ZC3H7A: variants seen among roughly 807,000 people sequenced by gnomAD.
ZC3H7A encodes zinc finger CCCH domain-containing protein 7A.
A neutral mutation model predicts 125.5 loss-of-function variants in ZC3H7A; 44 were observed. The ratio of observed to expected loss-of-function variants is 0.35; its 90% CI spans 0.28 to 0.45. The LOEUF (loss-of-function observed/expected upper bound fraction) is 0.45, where lower values mean the gene tolerates loss of function less well. Ranked by LOEUF, ZC3H7A falls within the 20% of genes least tolerant of loss-of-function variation. ZC3H7A has a pLI of 1.00. For missense variants in ZC3H7A, 977 were observed against 1,170.7 expected, an observed-to-expected ratio of 0.83 and a Z score of 2.41; for synonymous variants, 399 against 391.2, an observed-to-expected ratio of 1.02 and a Z score of -0.23.
chr16:11,759,281 G>A (rs962391028), intron 19 of ZC3H7A: 4 of 152,174 alleles, frequency 2.6e-5, no homozygotes, highest in Non-Finnish European at 5.9e-5. Flanking sequence ...TCTGTATGAG[G>A]TATAAATCCT....
At chr16:11,787,924 G>C (rs1309915600) in intron 1 of ZC3H7A, among the ~76,000 whole-genome samples, 20 of 151,614 alleles carry the variant, frequency 1.3e-4, no homozygotes, top group Non-Finnish European at 2.4e-4. Context: ...CCAGCCTGGG[G>C]GACAAGAGCA....
rs545213728 is a variant in ZC3H7A, at chr16:11,778,235, G to A, written c.306+931C>T. Reference sequence around the variant, plus strand: ...GCAGATTGCCTGAATTCAGGAGATCGAGAACAGCCTGGGCAACACAGTGAA... The same window carrying A: ...GCAGATTGCCTGAATTCAGGAGATCAAGAACAGCCTGGGCAACACAGTGAA... On this transcript the variant is annotated intron_variant, in intron 4 of 22. Transcript: ENST00000355758. Among the ~76,000 whole-genome samples, 10 of 151,664 alleles carry A rather than the reference G, an allele frequency of 6.6e-5. No homozygotes were observed. The East Asian group carries it at 1.4e-3, about 21-fold the overall frequency.
intron 21 of ZC3H7A, among the ~76,000 whole-genome samples, chr16:11,755,244 C>A (rs1485876386): frequency 6.6e-6 from 1 of 151,572 alleles, no homozygotes; most frequent in Non-Finnish European, 1.5e-5. Context: ...AATGTGTCAT[C>A]CTTAGGTAAA....
chr16:11,774,680 G>A (rs1343240970), intron 8 of ZC3H7A, among the ~76,000 whole-genome samples, 161 bp from the exon 9 acceptor site: 11 of 152,080 alleles, frequency 7.2e-5, no homozygotes, highest in South Asian at 2.1e-4. Context: ...ATACAGTCAC[G>A]TGTGAAAACT....
intron 1 of ZC3H7A, among the ~76,000 whole-genome samples, chr16:11,793,532 CA>C (rs111511279): frequency 6.8e-6 from 1 of 147,674 alleles, no homozygotes; most frequent in South Asian, 2.1e-4. Flanking sequence ...GATCCTGTCT[CA>C]AAAAAAAGGG....
intron 1 of ZC3H7A, among the ~76,000 whole-genome samples, chr16:11,793,478 A>T (rs1036957621): frequency 3.3e-5 from 5 of 151,906 alleles, no homozygotes; most frequent in African/African-American, 1.2e-4. Context: ...GGTCACAGCA[A>T]ACTATGACTA....
rs1038215484 is a variant in ZC3H7A, at chr16:11,781,452, T to C, written c.81A>G (p.Ser27=). ...CATATTGCTCCTGTGTTCCTGGATA[T>C]GACAGCGGTGACCTAAGAAGAAGAA... is the stretch of plus-strand genomic sequence containing the variant. ...EGLQFIQSPL[S]YPGTQEQYAV... is the part of the protein sequence containing the mutation. The change falls in exon 3 of 23, where the codon TCA becomes TCG. Residue 27 remains serine, a synonymous_variant. Coordinates refer to ENST00000355758, the MANE Select transcript of ZC3H7A (RefSeq NM_014153.4). 1 of 1,606,664 alleles carries C rather than the reference T, an allele frequency of 6.2e-7. No individual in the cohort carries two copies. Among genetic ancestry groups the C allele is most frequent in the South Asian group, 1.1e-5 (1 of 90,168 alleles).
chr16:11,779,413 G>T (rs2053137144), intron 3 of ZC3H7A, 50 bp from the exon 4 acceptor site: 1 of 1,529,200 alleles, frequency 6.5e-7, no homozygotes, highest in Non-Finnish European at 8.9e-7. Flanking sequence ...ACAAGATATG[G>T]TATAAGTAAA....
intron 3 of ZC3H7A, among the ~76,000 whole-genome samples, chr16:11,780,074 C>T (rs1426702104): frequency 2.0e-5 from 3 of 150,518 alleles, no homozygotes; most frequent in Non-Finnish European, 4.4e-5. Context: ...AAAAGTTTGT[C>T]ATTTTCCTTC....
chr16:11,781,590 C>A, intron 2 of ZC3H7A, 126 bp from the exon 3 acceptor site: 1 of 819,206 alleles, frequency 1.2e-6, no homozygotes, highest in Non-Finnish European at 2.0e-6. Flanking sequence ...TCAAAGACTT[C>A]CTCCTCCTTT....
chr16:11,763,376 T>C (rs1415819758), intron 16 of ZC3H7A, 102 bp downstream of exon 16: 2 of 1,210,088 alleles, frequency 1.7e-6, no homozygotes, highest in African/African-American at 3.1e-5. Context: ...CCCAAAGTAG[T>C]GGGATTACAG....
chr16:11,773,462 T>C (rs915388205), intron 9 of ZC3H7A, among the ~76,000 whole-genome samples: 1 of 151,944 alleles, frequency 6.6e-6, no homozygotes, highest in Non-Finnish European at 1.5e-5. Flanking sequence ...CATTTAAGAA[T>C]TGTAAAAAAT....
intron 1 of ZC3H7A, among the ~76,000 whole-genome samples, chr16:11,790,540 CGTT>C (rs1237472555): frequency 1.3e-5 from 2 of 152,020 alleles, no homozygotes; most frequent in African/African-American, 2.4e-5. Flanking sequence ...TTGTCGTCGT[CGTT>C]ATTATTGTTG....
At chr16:11,791,524 C>G (rs1450387598) in intron 1 of ZC3H7A, among the ~76,000 whole-genome samples, 1 of 152,174 alleles carries the variant, frequency 6.6e-6, no homozygotes, top group Non-Finnish European at 1.5e-5. Flanking sequence ...TCTCATGCTT[C>G]ATTGTAAGAA....
chr16:11,774,251 A>G lies in ZC3H7A; in HGVS notation c.888T>C (p.Thr296=). The change falls in exon 9 of 23, where the codon ACT becomes ACC. Residue 296 remains threonine, a synonymous_variant. Transcript: ENST00000355758. ...TGAAACTTACCATAACAGTTTCATT[A>G]GTTTCAGGTGCAGAATCAAGCAGGT... The part of the protein sequence containing the change: ...LDDLLDSAPE[T]NETVMPSALV... 6.3e-7 allele frequency: 1 copy of G among 1,588,812 alleles called. No homozygotes were observed. Among genetic ancestry groups the G allele is most frequent in the Non-Finnish European group, 8.6e-7 (1 of 1,163,720 alleles).
At position 11,779,262 on chromosome 16, in the gene ZC3H7A, C is replaced by T. The variant is rs758970831; in HGVS notation, c.210G>A (p.Leu70=). Residue 70 remains leucine (L), a synonymous_variant, in exon 4 of 23, where the codon TTG becomes TTA. Coordinates refer to ENST00000355758, the MANE Select transcript of ZC3H7A (RefSeq NM_014153.4). ...NNSISQYTEA[L]NIADYAKSEE... is the part of the protein sequence containing the mutation. The stretch of plus-strand genomic sequence containing the variant: ...CAGATTTTGCATAATCAGCTATATT[C>T]AAGGCTTCCGTGTACTGGCTTATCG... 1 of 1,613,884 alleles carries T rather than the reference C, an allele frequency of 6.2e-7. No individual in the cohort carries two copies. Among genetic ancestry groups the T allele is most frequent in the Non-Finnish European group, 8.5e-7 (1 of 1,179,940 alleles).
At chr16:11,794,027 C>T (rs982236996) in intron 1 of ZC3H7A, among the ~76,000 whole-genome samples, 1 of 152,226 alleles carries the variant, frequency 6.6e-6, no homozygotes, top group Admixed American at 6.5e-5. Context: ...GAGCCTCCCT[C>T]GGCACCCACG....
intron 9 of ZC3H7A, among the ~76,000 whole-genome samples, chr16:11,773,717 C>G (rs1433723643): frequency 6.6e-6 from 1 of 151,598 alleles, no homozygotes; most frequent in Non-Finnish European, 1.5e-5. Flanking sequence ...CCCATCTTTA[C>G]TAAAAATACA....
chr16:11,790,374 C>T (rs1300760530), intron 1 of ZC3H7A, among the ~76,000 whole-genome samples: 2 of 152,202 alleles, frequency 1.3e-5, no homozygotes, highest in Admixed American at 6.5e-5. Flanking sequence ...ATTGTTTGCT[C>T]ATACCCTCTG....
Sources: allele counts gnomAD v4.1 joint callset (sites outside exome capture counted in the v4.1 genomes callset), GRCh38; gene constraint gnomAD v4.1.1; transcripts MANE v1.5; gene names NCBI Gene and HGNC (gene_info 2026-07-23, HGNC 2026-07-21).